The following ANKRD17 variants were observed in gnomAD, a reference collection of about 807,000 sequenced individuals.
ANKRD17 encodes ankyrin repeat domain-containing protein 17.
A neutral mutation model predicts 229.7 loss-of-function variants in ANKRD17; 19 were observed. The observed-to-expected ratio is 0.08, with a 90% confidence interval of 0.06 to 0.12. The LOEUF is 0.12. ANKRD17 is among the 10% of genes least tolerant of loss of function. ANKRD17 has a pLI of 1.00. For synonymous variants in ANKRD17, 1,112 were observed against 1,146.1 expected (o/e 0.97, Z 0.60); for missense variants, 2,176 against 3,176.8 (o/e 0.68, Z 7.57).
At chr4:73,102,842 G>T in intron 24 of ANKRD17, 1 of 269,038 alleles carries the variant, frequency 3.7e-6, no homozygotes, top group Non-Finnish European at 6.8e-6. Context: ...ACCATTTTTT[G>T]ATCATTAATT....
chr4:73,152,902 T>G (rs193281222), intron 6 of ANKRD17, among the ~76,000 whole-genome samples: 17 of 152,334 alleles, frequency 1.1e-4, no homozygotes, highest in Admixed American at 1.1e-3. Context: ...CAAAAGCACT[T>G]TATAAATAAA....
chr4:73,248,160 G>T (rs1354138011), intron 1 of ANKRD17, among the ~76,000 whole-genome samples: 1 of 151,796 alleles, frequency 6.6e-6, no homozygotes, highest in Non-Finnish European at 1.5e-5. Context: ...GGTAAAATTA[G>T]AATGGATGAC....
At chr4:73,115,134 T>G (rs1277746740) in intron 23 of ANKRD17, among the ~76,000 whole-genome samples, 1 of 152,218 alleles carries the variant, frequency 6.6e-6, no homozygotes, top group South Asian at 2.1e-4. Flanking sequence ...TTCATTTTAC[T>G]AGGAAATAAA....
chr4:73,124,010 G>C (rs570001547), intron 18 of ANKRD17, among the ~76,000 whole-genome samples: 28 of 149,756 alleles, frequency 1.9e-4, no homozygotes, highest in Admixed American at 1.9e-3. Context: ...GGTGACTTCA[G>C]GAAAAAAAAA....
intron 1 of ANKRD17, among the ~76,000 whole-genome samples, chr4:73,217,737 A>G (rs1741269234): frequency 6.6e-6 from 1 of 152,184 alleles, no homozygotes; most frequent in Non-Finnish European, 1.5e-5. Flanking sequence ...CTCGTGTGAC[A>G]GATCAATCAA....
chr4:73,157,867 A>G (rs1578219347), intron 3 of ANKRD17, among the ~76,000 whole-genome samples: 2 of 152,110 alleles, frequency 1.3e-5, no homozygotes, highest in African/African-American at 4.8e-5. Flanking sequence ...AGGCGGGCGG[A>G]TCATGAGGTC....
intron 1 of ANKRD17, among the ~76,000 whole-genome samples, chr4:73,249,889 A>C (rs1292141518): frequency 1.3e-5 from 2 of 152,150 alleles, no homozygotes; most frequent in African/African-American, 4.8e-5. Context: ...ATAAATTAAA[A>C]AGAAAGAATA....
chr4:73,169,897 G>A (rs1733749151), intron 2 of ANKRD17, among the ~76,000 whole-genome samples: 1 of 152,112 alleles, frequency 6.6e-6, no homozygotes, highest in Non-Finnish European at 1.5e-5. Flanking sequence ...TAGCCGCAAG[G>A]AAATTGTCCA....
intron 24 of ANKRD17, chr4:73,113,427 T>A (rs1725567387): frequency 7.9e-7 from 1 of 1,260,366 alleles, no homozygotes; most frequent in African/African-American, 1.5e-5. Context: ...GTACTTGTGA[T>A]AAACCTGTTG....
In ANKRD17 at chr4:73,181,991, T is replaced by C. The variant is rs1735620927; in HGVS notation, c.394-4458A>G. Among the ~76,000 whole-genome samples the C allele has an allele frequency of 3.2e-5, 4 of 123,918 alleles. No individual in the cohort carries two copies. The South Asian group carries it at 1.1e-3, about 33-fold the overall frequency. The allele number at this position is 123,918 out of a possible 152,430, so 81.3% of individuals were successfully genotyped here. On this transcript the variant is annotated intron_variant, in intron 1 of 33. Transcript: ENST00000358602. ...TAAACCCGGGAGGTGAAGGTTGCAG[T>C]GAGCCGAGATCGAGCCACTGCACTC...
At chr4:73,140,376 C>CCTG in intron 14 of ANKRD17, 93 bp from the exon 15 acceptor site, 1 of 1,327,716 alleles carries the variant, frequency 7.5e-7, no homozygotes, top group Non-Finnish European at 1.0e-6. Flanking sequence ...CAGTTATGCA[C>CCTG]TAAGTAATCA....
chr4:73,103,828 G>GATT (rs1724290324), intron 24 of ANKRD17, among the ~76,000 whole-genome samples: 3 of 146,494 alleles, frequency 2.0e-5, no homozygotes, highest in South Asian at 4.4e-4. Flanking sequence ...ACCCTCTCCG[G>GATT]TTTTTTTTTT....
intron 16 of ANKRD17, among the ~76,000 whole-genome samples, chr4:73,132,521 A>G (rs116468508): frequency 0.011 from 1,696 of 152,290 alleles, 33 homozygotes; most frequent in African/African-American, 0.039. Context: ...CTCTAACTAA[A>G]CACATATGGT....
In ANKRD17 at chr4:73,254,170, A is replaced by G. The variant is rs1560792973; in HGVS notation, c.393+4106T>C. Reference sequence around the variant, plus strand: ...CTTTTCCAATAAAAAACAAACAAGAATATTTCCAAATGAAGCTGAACACAG... The same window carrying G: ...CTTTTCCAATAAAAAACAAACAAGAGTATTTCCAAATGAAGCTGAACACAG... On this transcript the variant is annotated intron_variant, in intron 1 of 33. Transcript: ENST00000358602. 1.8e-4 allele frequency among the ~76,000 whole-genome samples: 27 copies of G among 152,202 alleles called. 2 individuals carry two copies. Among genetic ancestry groups the G allele is most frequent in the Admixed American group, 1.8e-3 (27 of 15,282 alleles).
chr4:73,190,573 AAC>A (rs1186534871), intron 1 of ANKRD17, among the ~76,000 whole-genome samples: 88 of 151,336 alleles, frequency 5.8e-4, no homozygotes, highest in South Asian at 3.5e-3. Flanking sequence ...ACAAAAAAAA[AAC>A]AAAAAAAACC....
intron 1 of ANKRD17, among the ~76,000 whole-genome samples, chr4:73,204,358 CAAAAAAAAAAAA>C (rs374000000): frequency 1.7e-5 from 1 of 59,152 alleles, no homozygotes; most frequent in South Asian, 7.4e-4. Flanking sequence ...GAGACTCCGT[CAAAAAAAAAAAA>C]AAAAAAAAAG....
At chr4:73,204,515 T>C (rs568726219) in intron 1 of ANKRD17, among the ~76,000 whole-genome samples, 69 of 152,154 alleles carry the variant, frequency 4.5e-4, no homozygotes, top group African/African-American at 1.6e-3. Flanking sequence ...AGACAAGCAC[T>C]ATAAAAAATT....
At chr4:73,126,042 T>C in intron 16 of ANKRD17, among the ~76,000 whole-genome samples, 1 of 152,202 alleles carries the variant, frequency 6.6e-6, no homozygotes, top group South Asian at 2.1e-4. Context: ...CCCAACTTAC[T>C]GCCTGGAGAG....
At chr4:73,150,707 A>T (rs980331109) in intron 7 of ANKRD17, among the ~76,000 whole-genome samples, 29 of 152,298 alleles carry the variant, frequency 1.9e-4, no homozygotes, top group Middle Eastern at 3.4e-3. Context: ...GAAACTTCAG[A>T]TTCTTTGGGG....
Sources: gnomAD v4.1 joint callset for allele counts (sites outside exome capture counted in the v4.1 genomes callset) on GRCh38, gnomAD v4.1.1 for gene constraint, MANE v1.5 for transcripts, NCBI Gene and HGNC (gene_info 2026-07-23, HGNC 2026-07-21) for gene names.